RYR3: variants seen among roughly 807,000 people sequenced by gnomAD.
RYR3 encodes brain ryanodine receptor-calcium release channel.
In RYR3, 207 loss-of-function variants were observed where a neutral mutation model predicts 584.3. The observed-to-expected ratio is 0.35, with a 90% confidence interval of 0.32 to 0.40. The LOEUF is 0.40. RYR3 is among the 10% of genes least tolerant of loss of function. RYR3 has a pLI of 1.00. For missense variants in RYR3, 5,616 were observed against 6,089.2 expected (o/e 0.92, Z 2.59); for synonymous variants, 2,416 against 2,248.5 (o/e 1.07, Z -2.11).
At chr15:33,862,171 C>A (rs755920643) in intron 102 of RYR3, among the ~76,000 whole-genome samples, 5 of 151,682 alleles carry the variant, frequency 3.3e-5, no homozygotes, top group Non-Finnish European at 7.4e-5. Context: ...TGCTCCCCAG[C>A]CTAGCTCTTC....
intron 1 of RYR3, among the ~76,000 whole-genome samples, chr15:33,350,426 G>A (rs199700526): frequency 0.1 from 15,826 of 151,748 alleles, 791 homozygotes; most frequent in Middle Eastern, 0.15. Context: ...GACATCTACA[G>A]AACTCTCCAC....
intron 102 of RYR3, among the ~76,000 whole-genome samples, chr15:33,863,115 G>C (rs1379148340): frequency 6.6e-6 from 1 of 152,116 alleles, no homozygotes; most frequent in Non-Finnish European, 1.5e-5. Context: ...CCATGGCACT[G>C]TTACACTGGT....
chr15:33,562,760 AG>A (rs1192135070), intron 10 of RYR3, 76 bp from the exon 11 acceptor site: 7 of 1,055,498 alleles, frequency 6.6e-6, no homozygotes, highest in Non-Finnish European at 8.5e-6. Context: ...GGTTCTTCAT[AG>A]GTGATTCGTT....
intron 1 of RYR3, among the ~76,000 whole-genome samples, chr15:33,359,872 C>A (rs888161726): frequency 6.6e-6 from 1 of 151,952 alleles, no homozygotes; most frequent in East Asian, 1.9e-4. Context: ...CCGTCCGCCT[C>A]GGTCTCCCAA....
At chr15:33,641,078 G>C (rs991499228) in intron 27 of RYR3, among the ~76,000 whole-genome samples, 3 of 152,232 alleles carry the variant, frequency 2.0e-5, no homozygotes, top group African/African-American at 7.2e-5. Context: ...GCGTGTTGTG[G>C]TTATGGGTCT....
At chr15:33,589,246 A>G (rs2059007649) in intron 16 of RYR3, among the ~76,000 whole-genome samples, 1 of 152,194 alleles carries the variant, frequency 6.6e-6, no homozygotes, top group Non-Finnish European at 1.5e-5. Context: ...CTTGTTGGCC[A>G]TTCGTGTGTC....
At chr15:33,751,217 T>C (rs1024387523) in intron 57 of RYR3, among the ~76,000 whole-genome samples, 4 of 152,212 alleles carry the variant, frequency 2.6e-5, no homozygotes, top group African/African-American at 9.7e-5. Context: ...GTCTTTATAG[T>C]AGAATAATTT....
chr15:33,864,970 A>G (rs1889974346), intron 103 of RYR3, 161 bp from the exon 104 acceptor site: 1 of 564,986 alleles, frequency 1.8e-6, no homozygotes, highest in Non-Finnish European at 3.1e-6. Context: ...TTGCTTCCCA[A>G]ACAGCCTGTG....
At chr15:33,570,174 C>T (rs1283759775) in intron 12 of RYR3, among the ~76,000 whole-genome samples, 1 of 152,026 alleles carries the variant, frequency 6.6e-6, no homozygotes, top group African/African-American at 2.4e-5. Flanking sequence ...TGATTTTCTC[C>T]TCTGTGTTTT....
chr15:33,748,614 A>G, intron 55 of RYR3, 84 bp downstream of exon 55: 1 of 1,125,168 alleles, frequency 8.9e-7, no homozygotes, highest in Non-Finnish European at 1.3e-6. Context: ...AAAAAGGGAA[A>G]GAATGCCTAG....
At chr15:33,313,651 C>T (rs1168018782) in intron 1 of RYR3, among the ~76,000 whole-genome samples, 1 of 152,120 alleles carries the variant, frequency 6.6e-6, no homozygotes, top group Non-Finnish European at 1.5e-5. Context: ...CCAGACAACA[C>T]CTTTAAAAGC....
chr15:33,765,030 C>CAAAAA (rs1183335863), intron 60 of RYR3, among the ~76,000 whole-genome samples: 15,842 of 85,246 alleles, frequency 0.19, 2,102 homozygotes, highest in Non-Finnish European at 0.2. Flanking sequence ...GACTTCGTCT[C>CAAAAA]AAAAAAAAAA....
rs1595911537 is a variant in RYR3, at chr15:33,635,615, T to G, written c.3177T>G (p.Ala1059=). The change falls in exon 26 of 104, where the codon GCT becomes GCG. Residue 1059 remains alanine, a splice_region_variant and synonymous_variant. Coordinates refer to ENST00000634891, the MANE Select transcript of RYR3 (RefSeq NM_001036.6). ...TGTTCGCCTTTCTTCTCACAATAGC[T>G]GACTCGGCTGTGGAGAAGGTCAGCA... ...YNIEPSDQEL[A]DSAVEKVSID... The G allele has an allele frequency of 6.2e-7, 1 of 1,612,970 alleles. No homozygotes were observed. The highest frequency in any genetic ancestry group is 1.3e-5 in the African/African-American group (1 of 74,930).
rs559077518 is a variant in RYR3, at chr15:33,338,839, CA to C, written c.51+27751del. 6.5e-3 allele frequency among the ~76,000 whole-genome samples: 981 copies of C among 151,422 alleles called. 11 individuals carry two copies. The highest frequency in any genetic ancestry group is 0.022 in the African/African-American group (924 of 41,310). The stretch of plus-strand genomic sequence containing the variant: ...GCAAATTTCATGAACATAATGGTGA[CA>C]AAAAAAAGTCCTTGAAAAATACAAA... On this transcript the variant is annotated intron_variant, in intron 1 of 103. Coordinates refer to ENST00000634891, the MANE Select transcript of RYR3 (RefSeq NM_001036.6).
chr15:33,343,020 C>T (rs1386066622), intron 1 of RYR3, among the ~76,000 whole-genome samples: 2 of 152,126 alleles, frequency 1.3e-5, no homozygotes, highest in Admixed American at 1.3e-4. Flanking sequence ...CAGAAATGAA[C>T]ATCCTTAAAA....
intron 2 of RYR3, among the ~76,000 whole-genome samples, chr15:33,494,096 G>A (rs2051207844): frequency 1.1e-5 from 1 of 87,976 alleles, no homozygotes; most frequent in Admixed American, 1.0e-4. Context: ...AACAGTGATT[G>A]TGGCTATTTT....
intron 74 of RYR3, 59 bp downstream of exon 74, chr15:33,813,638 C>A: frequency 1.5e-6 from 2 of 1,313,278 alleles, no homozygotes; most frequent in South Asian, 2.4e-5. Flanking sequence ...GAGGTATCCT[C>A]CCACAGCTGT....
chr15:33,753,906 A>T (rs1001013985), intron 57 of RYR3, among the ~76,000 whole-genome samples: 1 of 152,152 alleles, frequency 6.6e-6, no homozygotes, highest in Non-Finnish European at 1.5e-5. Context: ...GAAGTCAAGG[A>T]AATAGGAGGA....
At chr15:33,438,653 A>G (rs1316907184) in intron 1 of RYR3, among the ~76,000 whole-genome samples, 2 of 152,222 alleles carry the variant, frequency 1.3e-5, no homozygotes, top group South Asian at 2.1e-4. Context: ...TATTGAATTT[A>G]TAGATTAATT....
Sources: gnomAD v4.1 joint callset for allele counts (sites outside exome capture counted in the v4.1 genomes callset) on GRCh38, gnomAD v4.1.1 for gene constraint, MANE v1.5 for transcripts, NCBI Gene and HGNC (gene_info 2026-07-23, HGNC 2026-07-21) for gene names.